RAB11FIP3: variants seen among roughly 807,000 people sequenced by gnomAD.
RAB11FIP3 encodes the protein RAB11 family interacting protein 3.
Under a neutral mutation model 77.8 loss-of-function variants are expected in RAB11FIP3, and 17 were observed. The ratio of observed to expected loss-of-function variants is 0.22; its 90% CI spans 0.15 to 0.33. RAB11FIP3 has a LOEUF of 0.33. RAB11FIP3 is among the 10% of genes least tolerant of loss of function. The probability of loss-of-function intolerance (pLI) is 1.00; values close to 1 mark genes in which losing one functional copy is unlikely to be tolerated. For missense variants in RAB11FIP3, 1,005 were observed against 1,011.2 expected, an observed-to-expected ratio of 0.99 and a Z score of 0.08; for synonymous variants, 437 against 448.2, an observed-to-expected ratio of 0.98 and a Z score of 0.31.
chr16:521,031 G>T lies in RAB11FIP3; in HGVS notation c.*192G>T. 1 of 604,838 alleles carries T rather than the reference G, an allele frequency of 1.7e-6. No homozygotes were observed. The allele number at this position is 604,838 out of a possible 1,614,324, so 37.5% of individuals were successfully genotyped here. A position where few individuals can be genotyped will look rare whatever the true frequency, so the allele number is the denominator to read the frequency against. On this transcript the variant is annotated 3_prime_UTR_variant, in exon 14 of 14. Coordinates refer to ENST00000262305, the MANE Select transcript of RAB11FIP3 (RefSeq NM_014700.4). ...AAGGGGCAGAGGGTGGTGGAGAGGA[G>T]AGGGAGAAAGGGAAGTCCCAGGGCC...
chr16:436,208 T>C (rs2055124719), intron 1 of RAB11FIP3, among the ~76,000 whole-genome samples: 1 of 151,912 alleles, frequency 6.6e-6, no homozygotes, highest in Admixed American at 6.6e-5. Flanking sequence ...TACTCGGGGG[T>C]TGAGGCAGGA....
chr16:521,174 G>C lies in RAB11FIP3; in HGVS notation c.*335G>C, dbSNP rs1293477979. Reference sequence around the variant, plus strand: ...CCATGAACGCGTACACTTCAGTTCAGCAGGATGGGCTGGAGAGCCTCTCTG... The same window carrying C: ...CCATGAACGCGTACACTTCAGTTCACCAGGATGGGCTGGAGAGCCTCTCTG... On this transcript the variant is annotated 3_prime_UTR_variant, in exon 14 of 14. Transcript: ENST00000262305. 2.7e-6 allele frequency: 1 copy of C among 371,244 alleles called. No individual in the cohort carries two copies. The highest frequency in any genetic ancestry group is 5.1e-6 in the Non-Finnish European group (1 of 197,400). The allele number at this position is 371,244 out of a possible 1,614,324, so 23.0% of individuals were successfully genotyped here. A position where few individuals can be genotyped will look rare whatever the true frequency, so the allele number is the denominator to read the frequency against.
chr16:427,682 C>T (rs545785042), intron 1 of RAB11FIP3, among the ~76,000 whole-genome samples: 2 of 152,316 alleles, frequency 1.3e-5, no homozygotes, highest in African/African-American at 4.8e-5. Context: ...TGTATTTTGA[C>T]TTCTCACACA....
chr16:432,825 C>G (rs759247215), intron 1 of RAB11FIP3, among the ~76,000 whole-genome samples: 1 of 151,482 alleles, frequency 6.6e-6, no homozygotes, highest in Non-Finnish European at 1.5e-5. Context: ...AGGCTGGTCT[C>G]AAACTCTTGA....
At chr16:499,795 CAAAAAAAAAAA>C (rs11319631) in intron 6 of RAB11FIP3, among the ~76,000 whole-genome samples, 2 of 53,966 alleles carry the variant, frequency 3.7e-5, no homozygotes, top group Admixed American at 2.0e-4. Context: ...AAGACTGTCT[CAAAAAAAAAAA>C]AAAAAAAAAA....
In RAB11FIP3 at chr16:472,641, A is replaced by C. The variant is rs767478666; in HGVS notation, c.903+1252A>C. 5.9e-5 allele frequency among the ~76,000 whole-genome samples: 9 copies of C among 152,164 alleles called. No individual in the cohort carries two copies. The highest frequency in any genetic ancestry group is 8.8e-5 in the Non-Finnish European group (6 of 68,050). ...GGGAACTGTGTGTTCCTGGGCGTTCATGTGCCTGTGCACTCTTTCTCACGT... is the reference window on the plus strand; with the variant it reads ...GGGAACTGTGTGTTCCTGGGCGTTCCTGTGCCTGTGCACTCTTTCTCACGT... On this transcript the variant is annotated intron_variant, in intron 3 of 13. Coordinates refer to ENST00000262305, the MANE Select transcript of RAB11FIP3 (RefSeq NM_014700.4). The surrounding 1 kb of genome is among the most constrained non-coding windows in gnomAD (Gnocchi z 4.1).
intron 2 of RAB11FIP3, among the ~76,000 whole-genome samples, chr16:464,503 A>G (rs961452176): frequency 1.3e-5 from 2 of 152,188 alleles, no homozygotes; most frequent in Non-Finnish European, 2.9e-5. Flanking sequence ...GGGACATGGC[A>G]GCTGTGCCCA....
At chr16:473,780 A>T (rs1035250092) in intron 3 of RAB11FIP3, among the ~76,000 whole-genome samples, 1 of 147,812 alleles carries the variant, frequency 6.8e-6, no homozygotes, top group Non-Finnish European at 1.5e-5. Flanking sequence ...TTGAGGGTTC[A>T]CTCTTGGTGG....
intron 1 of RAB11FIP3, among the ~76,000 whole-genome samples, chr16:446,171 G>T (rs1440204973): frequency 6.6e-6 from 1 of 152,214 alleles, no homozygotes; most frequent in East Asian, 1.9e-4. Flanking sequence ...TGGAGCCCAA[G>T]AGTTTGAAGC....
chr16:497,385 G>A, intron 6 of RAB11FIP3: 1 of 1,295,990 alleles, frequency 7.7e-7, no homozygotes, highest in Non-Finnish European at 1.0e-6. Flanking sequence ...TAAACATGCA[G>A]GGTTAAGGCC....
chr16:495,465 G>A (rs77217713), intron 5 of RAB11FIP3, among the ~76,000 whole-genome samples: 7,485 of 152,302 alleles, frequency 0.049, 256 homozygotes, highest in African/African-American at 0.1. Flanking sequence ...GAATGGGGTC[G>A]GGGAAGCCCC....
chr16:497,546 T>C, intron 6 of RAB11FIP3: 1 of 1,015,466 alleles, frequency 9.8e-7, no homozygotes, highest in South Asian at 1.7e-5. Context: ...TCCAGCTTCC[T>C]CTGGAGCATC....
intron 3 of RAB11FIP3, among the ~76,000 whole-genome samples, chr16:478,067 C>T (rs1259479277): frequency 3.3e-5 from 5 of 152,218 alleles, no homozygotes; most frequent in Non-Finnish European, 7.3e-5. Flanking sequence ...CTGCGGCCTC[C>T]CGCAAGTGCG....
intron 1 of RAB11FIP3, among the ~76,000 whole-genome samples, chr16:429,548 G>A (rs1399395318): frequency 6.6e-6 from 1 of 151,314 alleles, no homozygotes; most frequent in Non-Finnish European, 1.5e-5. Flanking sequence ...CGCCCAGGCT[G>A]GAGTGCAATG....
chr16:458,623 T>TTCCTCGGGTTCAGTGATGCTCACAG, intron 1 of RAB11FIP3, among the ~76,000 whole-genome samples: 1 of 54,224 alleles, frequency 1.8e-5, no homozygotes, highest in Non-Finnish European at 5.1e-5. Flanking sequence ...GATGCTCATC[T>TTCCTCGGGTTCAGTGATGCTCACAG]GCCGTAACCT....
At chr16:520,007 G>A (rs2032604108) in intron 11 of RAB11FIP3, 115 bp from the exon 12 acceptor site, 1 of 1,520,238 alleles carries the variant, frequency 6.6e-7, no homozygotes, top group African/African-American at 1.4e-5. Context: ...CCGCTGGTGT[G>A]TGTCGTCCTC....
chr16:426,443 A>AG lies in RAB11FIP3; in HGVS notation c.441dup (p.Ser148ValfsTer97), dbSNP rs1256224668. On this transcript the variant is annotated frameshift_variant, in exon 1 of 14. Transcript: ENST00000262305. LOFTEE classifies it high-confidence loss of function. The surrounding 1 kb of genome is among the most constrained non-coding windows in gnomAD (Gnocchi z 5.0). ...CCGGAGAGCGCGCCTTTCCGCTTGC[A>AG]GGGGTCCAGCAGCAGCCACCGAGCG... 1 of 1,585,266 alleles carries AG rather than the reference A, an allele frequency of 6.3e-7. No individual in the cohort carries two copies. Among genetic ancestry groups the AG allele is most frequent in the Non-Finnish European group, 8.6e-7 (1 of 1,167,188 alleles).
rs2032105917 is a variant in RAB11FIP3 at position 510,789 on chromosome 16, C to T, written c.1629C>T (p.Asn543=). The T allele has an allele frequency of 6.2e-7, 1 of 1,613,184 alleles. No individual in the cohort carries two copies. The highest frequency in any genetic ancestry group is 1.1e-5 in the South Asian group (1 of 91,054). ...GGGAGAAGAGCATTGAGATCGAGAA[C>T]CTGCAGACCAGGTAGGCGGTTCCCA... ...MEREKSIEIE[N]LQTRLQQLDE... The change falls in exon 9 of 14, where the codon AAC becomes AAT. Residue 543 remains asparagine (N), a synonymous_variant. Transcript: ENST00000262305.
chr16:488,575 A>T (rs2029890832), intron 4 of RAB11FIP3, among the ~76,000 whole-genome samples: 1 of 151,796 alleles, frequency 6.6e-6, no homozygotes, highest in Non-Finnish European at 1.5e-5. Flanking sequence ...TGCCTGGGTG[A>T]TTTAAAAATG....
Sources: gnomAD v4.1 joint callset for allele counts (sites outside exome capture counted in the v4.1 genomes callset) on GRCh38, gnomAD v4.1.1 for gene constraint, Gnocchi (gnomAD v3.1) non-coding constraint, MANE v1.5 for transcripts, NCBI Gene and HGNC (gene_info 2026-07-23, HGNC 2026-07-21) for gene names.